Variants in ASAH1 observed in about 807,000 individuals in gnomAD.
The protein encoded by ASAH1 is N-acylsphingosine amidohydrolase 1, also known as acid ceramidase.
Under a neutral mutation model 59.5 loss-of-function variants are expected in ASAH1, and 70 were observed. The observed-to-expected ratio is 1.18, with a 90% confidence interval of 0.97 to 1.43. The LOEUF (loss-of-function observed/expected upper bound fraction) is 1.43, where lower values mean the gene tolerates loss of function less well. Ranked by LOEUF, ASAH1 falls within the 40% of genes most tolerant of loss-of-function variation. The probability of loss-of-function intolerance (pLI) is 0.00; values close to 1 mark genes in which losing one functional copy is unlikely to be tolerated. For missense variants in ASAH1, 660 were observed against 482.5 expected (o/e 1.37, Z -3.45); for synonymous variants, 213 against 166.5 (o/e 1.28, Z -2.15).
At chr8:18,071,498 G>T in intron 2 of ASAH1, 108 bp from the exon 3 acceptor site, 1 of 792,504 alleles carries the variant, frequency 1.3e-6, no homozygotes, top group Non-Finnish European at 2.1e-6. Context: ...CAGCAGTGTA[G>T]AATTTGGTTA....
At chr8:18,084,897 G>A (rs998099053), upstream of ASAH1, 93 of 1,522,916 alleles carry the variant, frequency 6.1e-5, no homozygotes, top group East Asian at 2.1e-3. Flanking sequence ...TCGGCAGGGG[G>A]ACTCGCTTGG....
intron 3 of ASAH1, 97 bp from the exon 4 acceptor site, chr8:18,069,975 T>G: frequency 1.3e-6 from 1 of 768,186 alleles, no homozygotes; most frequent in Non-Finnish European, 2.1e-6. Flanking sequence ...GAGTGCTATT[T>G]GACAATTTAT....
chr8:18,084,282 G>A, upstream of ASAH1: 3 of 1,438,652 alleles, frequency 2.1e-6, no homozygotes, highest in Non-Finnish European at 2.7e-6. Context: ...AGCCTTCCAG[G>A]CTACCTGCAG....
At chr8:18,080,906 T>A (rs1487298526) in intron 1 of ASAH1, among the ~76,000 whole-genome samples, 1 of 152,190 alleles carries the variant, frequency 6.6e-6, no homozygotes, top group East Asian at 1.9e-4. Flanking sequence ...CACATACATG[T>A]GCAAGTTACT....
chr8:18,062,271 C>G lies in ASAH1; in HGVS notation c.648+8G>C. On this transcript the variant is annotated splice_region_variant and intron_variant, in intron 8 of 13. Coordinates refer to ENST00000637790, the MANE Select transcript of ASAH1 (RefSeq NM_177924.5). The stretch of plus-strand genomic sequence containing the variant: ...ACCTGTATAATTATGTAACAACAGA[C>G]TCCTTACTGGTTTGAATCCTGTTAA... 18 of 1,614,164 alleles carry G rather than the reference C, an allele frequency of 1.1e-5. No individual in the cohort carries two copies. The highest frequency in any genetic ancestry group is 1.5e-5 in the Non-Finnish European group (18 of 1,180,016).
At chr8:18,084,610 G>C, upstream of ASAH1, 2 of 1,604,712 alleles carry the variant, frequency 1.2e-6, no homozygotes, top group Non-Finnish European at 1.7e-6. Flanking sequence ...ACAAGGAGCA[G>C]TTGAGTGGCC....
At chr8:18,084,774 T>C (rs1456857300), upstream of ASAH1, 1 of 1,613,546 alleles carries the variant, frequency 6.2e-7, no homozygotes, top group Non-Finnish European at 8.5e-7. Flanking sequence ...CCGCGAGCTT[T>C]CTCTCCCAGC....
rs540240335 is a variant in ASAH1 at position 18,079,678 on chromosome 8, C to G, written c.79-4091G>C. Among the ~76,000 whole-genome samples, 7 of 152,262 alleles carry G rather than the reference C, an allele frequency of 4.6e-5. No individual in the cohort carries two copies. The South Asian group carries it at 1.4e-3, about 32-fold the overall frequency. On this transcript the variant is annotated intron_variant, in intron 1 of 13. Coordinates refer to ENST00000637790, the MANE Select transcript of ASAH1 (RefSeq NM_177924.5). The stretch of plus-strand genomic sequence containing the variant: ...ATGAAGGATAATCTAAAATTACATA[C>G]CTCATGTCAGTTTTCATACCCACCA...
intron 12 of ASAH1, 107 bp from the exon 13 acceptor site, chr8:18,058,998 C>T (rs1353305690): frequency 3.0e-6 from 3 of 985,350 alleles, no homozygotes; most frequent in East Asian, 5.0e-5. Context: ...AATCAACCTC[C>T]CCTCCATCCC....
chr8:18,060,182 G>C (rs935827200), intron 10 of ASAH1: 8 of 166,158 alleles, frequency 4.8e-5, no homozygotes, highest in African/African-American at 1.4e-4. Context: ...TTTAGAGATG[G>C]GCTCTCACTC....
At chr8:18,084,676 T>C, upstream of ASAH1, 1 of 1,613,534 alleles carries the variant, frequency 6.2e-7, no homozygotes, top group South Asian at 1.1e-5. Flanking sequence ...GGTTACCCAC[T>C]TGGGCTTTCA....
In ASAH1 at chr8:18,057,316, C is replaced by G. The variant is rs896809808; in HGVS notation, c.*218G>C. ...TGAATTCTAGATGACTGTTTTACTT[C>G]CCCTAAAGAAGTTATCTGTAAATAA... On this transcript the variant is annotated 3_prime_UTR_variant, in exon 14 of 14. Coordinates refer to ENST00000637790, the MANE Select transcript of ASAH1 (RefSeq NM_177924.5). 5.4e-6 allele frequency: 2 copies of G among 371,924 alleles called. No homozygotes were observed. Among genetic ancestry groups the G allele is most frequent in the Admixed American group, 3.7e-5 (1 of 26,754 alleles). 23.0% of individuals were successfully genotyped at this position (371,924 alleles called of 1,614,324 possible).
chr8:18,080,353 G>T (rs897439432), intron 1 of ASAH1, among the ~76,000 whole-genome samples: 1 of 152,162 alleles, frequency 6.6e-6, no homozygotes, highest in Non-Finnish European at 1.5e-5. Context: ...ACGCAGAGCA[G>T]CCATCTCTCC....
At position 18,069,994 on chromosome 8, in the gene ASAH1, T is replaced by A. The variant is rs138103664; in HGVS notation, c.217-116A>T. On this transcript the variant is annotated intron_variant, in intron 3 of 13. Coordinates refer to ENST00000637790, the MANE Select transcript of ASAH1 (RefSeq NM_177924.5). Reference sequence around the variant, plus strand: ...GCTATTTGACAATTTATATATATATTTTTTAAAACAGCATCTCGCTCTGTC... The same window carrying A: ...GCTATTTGACAATTTATATATATATATTTTAAAACAGCATCTCGCTCTGTC... 554 of 673,950 alleles carry A rather than the reference T, an allele frequency of 8.2e-4. 5 individuals carry two copies. In the African/African-American group the frequency reaches 8.3e-3, roughly 10 times the overall value. The allele number at this position is 673,950 out of a possible 1,614,324, so 41.7% of individuals were successfully genotyped here. A position where few individuals can be genotyped will look rare whatever the true frequency, so the allele number is the denominator to read the frequency against.
At position 18,063,430 on chromosome 8, in the gene ASAH1, C is replaced by G. The variant is rs552727195; in HGVS notation, c.458-200G>C. On this transcript the variant is annotated intron_variant, in intron 6 of 13. Transcript: ENST00000637790. Reference sequence around the variant, plus strand: ...GCAATTCTTGTGCCTCAGCCTTCCACGTAGTTGGGATTACAGACATGTGCG... The same window carrying G: ...GCAATTCTTGTGCCTCAGCCTTCCAGGTAGTTGGGATTACAGACATGTGCG... 172 of 562,586 alleles carry G rather than the reference C, an allele frequency of 3.1e-4. 1 individual carries two copies. The highest frequency in any genetic ancestry group is 2.5e-3 in the South Asian group (129 of 52,332). The allele number at this position is 562,586 out of a possible 1,614,324, so 34.8% of individuals were successfully genotyped here.
chr8:18,068,767 C>G (rs1181382825), intron 4 of ASAH1: 1 of 152,458 alleles, frequency 6.6e-6, no homozygotes, highest in Admixed American at 6.6e-5. Context: ...ATGACAGCCC[C>G]ACAAAAAAGA....
chr8:18,075,980 T>C, intron 1 of ASAH1: 1 of 298,508 alleles, frequency 3.3e-6, no homozygotes, highest in East Asian at 9.2e-5. Context: ...TGTCCTGGGA[T>C]TTGCCTCCCA....
intron 6 of ASAH1, 56 bp from the exon 7 acceptor site, chr8:18,063,286 G>T: frequency 8.9e-6 from 13 of 1,460,730 alleles, no homozygotes; most frequent in Non-Finnish European, 1.2e-5. Context: ...CTAAATCAAA[G>T]CTGGACAATT....
intron 2 of ASAH1, among the ~76,000 whole-genome samples, chr8:18,073,671 A>G (rs1800269281): frequency 6.6e-6 from 1 of 152,166 alleles, no homozygotes; most frequent in African/African-American, 2.4e-5. Context: ...TTCTTCCCTC[A>G]TATCTGCCCA....
Sources: gnomAD v4.1 joint callset for allele counts (sites outside exome capture counted in the v4.1 genomes callset) on GRCh38, gnomAD v4.1.1 for gene constraint, MANE v1.5 for transcripts, NCBI Gene and HGNC (gene_info 2026-07-23, HGNC 2026-07-21) for gene names.